PPFIA1: variants seen among roughly 807,000 people sequenced by gnomAD.
The protein encoded by PPFIA1 is PPFI scaffold protein A1, also known as liprin-alpha-1.
Under a neutral mutation model 149.9 loss-of-function variants are expected in PPFIA1, and 25 were observed. The ratio of observed to expected loss-of-function variants is 0.17; its 90% CI spans 0.12 to 0.23. The LOEUF is 0.23. Ranked by LOEUF, PPFIA1 falls within the 10% of genes least tolerant of loss-of-function variation. PPFIA1 has a pLI of 1.00. For synonymous variants in PPFIA1, 549 were observed against 552.8 expected (o/e 0.99, Z 0.10); for missense variants, 1,362 against 1,506.5 (o/e 0.90, Z 1.59).
At chr11:70,354,267 T>C (rs1400656732) in intron 16 of PPFIA1, 34 bp from the exon 17 acceptor site, 4 of 1,585,488 alleles carry the variant, frequency 2.5e-6, no homozygotes, top group Non-Finnish European at 3.4e-6. Flanking sequence ...CACAGTCTGC[T>C]GTTAACTAAC....
intron 2 of PPFIA1, among the ~76,000 whole-genome samples, chr11:70,285,110 G>A (rs2051022263): frequency 6.6e-6 from 1 of 152,016 alleles, no homozygotes. Flanking sequence ...AGGTTCAAGC[G>A]ATTCTCCTGC....
intron 2 of PPFIA1, among the ~76,000 whole-genome samples, chr11:70,313,726 C>T (rs1255606765): frequency 6.6e-6 from 1 of 152,092 alleles, no homozygotes; most frequent in Non-Finnish European, 1.5e-5. Context: ...ATGATGAGCT[C>T]AGTGTGGACA....
At chr11:70,325,157 A>G in intron 4 of PPFIA1, 146 bp downstream of exon 4, 1 of 763,410 alleles carries the variant, frequency 1.3e-6, no homozygotes. Context: ...TAGGTTTAAA[A>G]AGTACTAATT....
At chr11:70,283,270 C>T (rs549811921) in intron 2 of PPFIA1, among the ~76,000 whole-genome samples, 1 of 151,936 alleles carries the variant, frequency 6.6e-6, no homozygotes, top group South Asian at 2.1e-4. Context: ...GTGATTTTTA[C>T]AGTCTTTTTG....
At chr11:70,296,290 C>T (rs953956201) in intron 2 of PPFIA1, among the ~76,000 whole-genome samples, 1 of 152,044 alleles carries the variant, frequency 6.6e-6, no homozygotes, top group Non-Finnish European at 1.5e-5. Flanking sequence ...GGCGGCCGGG[C>T]AGAGGCTGCA....
intron 2 of PPFIA1, among the ~76,000 whole-genome samples, chr11:70,303,866 C>A (rs531776652): frequency 1.3e-5 from 2 of 152,214 alleles, no homozygotes; most frequent in Admixed American, 1.3e-4. Flanking sequence ...ATTAGCCAGG[C>A]GTGGTGGTGT....
chr11:70,335,449 G>C, intron 10 of PPFIA1, 114 bp from the exon 11 acceptor site: 1 of 1,246,820 alleles, frequency 8.0e-7, no homozygotes, highest in Non-Finnish European at 1.1e-6. Context: ...AGTGTGGGGA[G>C]CAACTGGGGG....
rs373403571 is a variant in PPFIA1 at position 70,372,510 on chromosome 11, A to G, written c.3075A>G (p.Arg1025=). 36 of 1,613,946 alleles carry G rather than the reference A, an allele frequency of 2.2e-5. No individual in the cohort carries two copies. The highest frequency in any genetic ancestry group is 2.7e-5 in the Non-Finnish European group (32 of 1,179,940). ...TCCAGTGTGGAATTATGTGCCTGAG[A>G]AGGTTAAATTATGACCGGAAAGAAC... ...NSFQCGIMCL[R]RLNYDRKELE... Residue 1025 remains arginine (R), a synonymous_variant, in exon 23 of 28, where the codon AGA becomes AGG. Transcript: ENST00000253925.
rs774273208 is a variant in PPFIA1 at position 70,316,063 on chromosome 11, C to CT, written c.265-8330dup. On this transcript the variant is annotated intron_variant, in intron 2 of 27. Transcript: ENST00000253925. ...TGTATTATGTGTCAGAATTTCCTTC[C>CT]TTTTTTTTTAAATTTTTTTTTCTTT... is the stretch of plus-strand genomic sequence containing the variant. Among the ~76,000 whole-genome samples the CT allele has an allele frequency of 1.5e-3, 232 of 151,358 alleles. 7 individuals carry two copies. In the East Asian group the frequency reaches 0.039, roughly 25 times the overall value.
At position 70,270,726 on chromosome 11, in the gene PPFIA1, C is replaced by A. The variant is rs901937901; in HGVS notation, c.-189C>A. ...CCGCGCAGCCGGGCCCGCTCCTCCT[C>A]CGCTCCGCCAGTGTCCGGCCGCGGG... On this transcript the variant is annotated 5_prime_UTR_variant, in exon 1 of 28. Transcript: ENST00000253925. 2.6e-5 allele frequency: 4 copies of A among 151,028 alleles called. No homozygotes were observed. The highest frequency in any genetic ancestry group is 2.6e-4 in the Admixed American group (4 of 15,170). The allele number at this position is 151,028 out of a possible 1,614,324, so 9.4% of individuals were successfully genotyped here. A position where few individuals can be genotyped will look rare whatever the true frequency, so the allele number is the denominator to read the frequency against.
chr11:70,333,888 C>A (rs1413260427), intron 10 of PPFIA1, among the ~76,000 whole-genome samples: 2 of 152,192 alleles, frequency 1.3e-5, no homozygotes, highest in African/African-American at 4.8e-5. Flanking sequence ...CCCCTACCCC[C>A]TGCAAATGTA....
intron 19 of PPFIA1, among the ~76,000 whole-genome samples, chr11:70,359,688 C>T (rs183497692): frequency 1.1e-3 from 174 of 152,358 alleles, no homozygotes; most frequent in Non-Finnish European, 2.0e-3. Context: ...ACAAGCTTCT[C>T]ATTATGAAAG....
In PPFIA1 at chr11:70,362,439, A is replaced by G. The variant is rs1213209170; in HGVS notation, c.2816A>G (p.Gln939Arg). 6.2e-7 allele frequency: 1 copy of G among 1,614,144 alleles called. No homozygotes were observed. Among genetic ancestry groups the G allele is most frequent in the Non-Finnish European group, 8.5e-7 (1 of 1,180,010 alleles). The change falls in exon 21 of 28, where the codon CAG (glutamine) becomes CGG (arginine). Residue 939 changes from glutamine (Q) to arginine (R), a missense_variant. Coordinates refer to ENST00000253925, the MANE Select transcript of PPFIA1 (RefSeq NM_003626.5). ...AGGCTGAAGCTGAGGCTGGCCATCCAGGAGATCATGTCGCTGACCAGCCCG... is the reference window on the plus strand; with the variant it reads ...AGGCTGAAGCTGAGGCTGGCCATCCGGGAGATCATGTCGCTGACCAGCCCG... Reference protein sequence around the residue: ...LHRLKLRLAIQEIMSLTSPSA... With the variant: ...LHRLKLRLAIREIMSLTSPSA...
At chr11:70,282,834 T>C (rs1234367370) in intron 2 of PPFIA1, among the ~76,000 whole-genome samples, 9 of 39,160 alleles carry the variant, frequency 2.3e-4, no homozygotes, top group African/African-American at 1.7e-3. Flanking sequence ...CGTGCCTGGC[T>C]TTTTTTTTTT....
chr11:70,328,125 T>A (rs904208526), intron 7 of PPFIA1, among the ~76,000 whole-genome samples: 18 of 152,198 alleles, frequency 1.2e-4, no homozygotes, highest in African/African-American at 4.3e-4. Flanking sequence ...CGTGTAGGTC[T>A]GTTACATAAG....
rs2050024694 is a variant in PPFIA1, at chr11:70,270,843, A to C, written c.-72A>C. ...CGCGGGCTGCTTTCGTCGGCTCCCA[A>C]GCTCTCCCGGAGCGAGCAGCCGCCC... On this transcript the variant is annotated 5_prime_UTR_variant, in exon 1 of 28. Coordinates refer to ENST00000253925, the MANE Select transcript of PPFIA1 (RefSeq NM_003626.5). The C allele has an allele frequency of 6.7e-6, 1 of 150,200 alleles. No homozygotes were observed. The highest frequency in any genetic ancestry group is 6.6e-5 in the Admixed American group (1 of 15,136). 9.3% of individuals were successfully genotyped at this position (150,200 alleles called of 1,614,324 possible).
At chr11:70,357,395 A>G (rs1165295523) in intron 19 of PPFIA1, among the ~76,000 whole-genome samples, 1 of 152,030 alleles carries the variant, frequency 6.6e-6, no homozygotes, top group Non-Finnish European at 1.5e-5. Flanking sequence ...TCTGTTGTGA[A>G]ATCTATCTCA....
At chr11:70,366,798 G>A (rs1350825507) in intron 21 of PPFIA1, among the ~76,000 whole-genome samples, 1 of 151,988 alleles carries the variant, frequency 6.6e-6, no homozygotes, top group Non-Finnish European at 1.5e-5. Flanking sequence ...TCCTTCTCTT[G>A]GTACTCCTAA....
At chr11:70,338,280 T>G in intron 12 of PPFIA1, 94 bp from the exon 13 acceptor site, 1 of 1,011,748 alleles carries the variant, frequency 9.9e-7, no homozygotes, top group Non-Finnish European at 1.5e-6. Flanking sequence ...ATTTAACCTG[T>G]TAGGGTTATG....
Sources: allele counts gnomAD v4.1 joint callset (sites outside exome capture counted in the v4.1 genomes callset), GRCh38; gene constraint gnomAD v4.1.1; transcripts MANE v1.5; gene names NCBI Gene and HGNC (gene_info 2026-07-23, HGNC 2026-07-21).